The following SIPA1L1 variants were observed in gnomAD, a reference collection of about 807,000 sequenced individuals.
SIPA1L1 encodes signal induced proliferation associated 1 like 1.
Under a neutral mutation model 162.7 loss-of-function variants are expected in SIPA1L1, and 26 were observed. The ratio of observed to expected loss-of-function variants is 0.16; its 90% CI spans 0.12 to 0.22. The LOEUF is 0.22. Ranked by LOEUF, SIPA1L1 falls within the 10% of genes least tolerant of loss-of-function variation. The pLI is 1.00. For missense variants in SIPA1L1, 1,874 were observed against 2,241.0 expected (o/e 0.84, Z 3.31); for synonymous variants, 829 against 837.4 (o/e 0.99, Z 0.17).
intron 2 of SIPA1L1, among the ~76,000 whole-genome samples, chr14:71,329,662 C>T (rs2034284595): frequency 6.6e-6 from 1 of 152,034 alleles, no homozygotes; most frequent in African/African-American, 2.4e-5. Context: ...GGTAGTATCT[C>T]ATTATGATTT....
chr14:71,671,242 T>C lies in SIPA1L1; in HGVS notation c.2379T>C (p.Asn793=). ...FLLAKVINAE[N]AAHKSEKFRA... ...TGGCGAAAGTGATTAATGCAGAAAA[T>C]GCTGCTCATAAATCGGAGAAGTTTC... is the stretch of plus-strand genomic sequence containing the variant. The change falls in exon 11 of 24, where the codon AAT becomes AAC. Residue 793 remains asparagine (N), a synonymous_variant. Coordinates refer to ENST00000381232, the MANE Select transcript of SIPA1L1 (RefSeq NM_001386936.1). The C allele has an allele frequency of 6.2e-7, 1 of 1,614,142 alleles. No homozygotes were observed. The highest frequency in any genetic ancestry group is 1.1e-5 in the South Asian group (1 of 91,080).
Position 71,671,302 on chromosome 14 carries a change from G to A in SIPA1L1, c.2439G>A (p.Leu813=). The A allele has an allele frequency of 6.2e-7, 1 of 1,614,208 alleles. No homozygotes were observed. The highest frequency in any genetic ancestry group is 8.5e-7 in the Non-Finnish European group (1 of 1,180,044). Reference sequence around the variant, plus strand: ...CAACTCGGACCCGCCAGGAATACCTGAAAGATCTGGCAGAAAAGAATGTCA... The same window carrying A: ...CAACTCGGACCCGCCAGGAATACCTAAAAGATCTGGCAGAAAAGAATGTCA... ...AMATRTRQEY[L]KDLAEKNVTN... Residue 813 remains leucine (L), a synonymous_variant, in exon 11 of 24, where the codon CTG becomes CTA. Transcript: ENST00000381232.
At position 71,741,183 on chromosome 14, in the gene SIPA1L1, T is replaced by C. The variant is rs1378234679; in HGVS notation, c.*2022T>C. The C allele has an allele frequency of 1.3e-5, 2 of 152,244 alleles. No homozygotes were observed. The highest frequency in any genetic ancestry group is 6.5e-5 in the Admixed American group (1 of 15,294). 9.4% of individuals were successfully genotyped at this position (152,244 alleles called of 1,614,324 possible). Reference sequence around the variant, plus strand: ...TTGAAAATTTCTGTCCTTCTCAGAATGTTAATAAACTTTTTTACTCTGTCC... The same window carrying C: ...TTGAAAATTTCTGTCCTTCTCAGAACGTTAATAAACTTTTTTACTCTGTCC... On this transcript the variant is annotated 3_prime_UTR_variant, in exon 24 of 24. Transcript: ENST00000381232.
At chr14:71,700,548 A>T (rs573436077) in intron 14 of SIPA1L1, among the ~76,000 whole-genome samples, 1 of 152,316 alleles carries the variant, frequency 6.6e-6, no homozygotes, top group Non-Finnish European at 1.5e-5. Flanking sequence ...TTTTTAAATG[A>T]CCACTTTAAC....
At chr14:71,471,272 C>A (rs1380866889) in intron 2 of SIPA1L1, among the ~76,000 whole-genome samples, 2 of 152,126 alleles carry the variant, frequency 1.3e-5, no homozygotes, top group Non-Finnish European at 2.9e-5. Flanking sequence ...AGTTCTAGAC[C>A]AGCCTGGCCA....
chr14:71,535,198 A>G (rs1454294087), intron 4 of SIPA1L1, among the ~76,000 whole-genome samples: 3 of 152,206 alleles, frequency 2.0e-5, no homozygotes, highest in East Asian at 1.9e-4. Flanking sequence ...GCTGGAGATG[A>G]TGACAGCTAG....
chr14:71,459,468 G>A lies in SIPA1L1; in HGVS notation c.-464-53275G>A, dbSNP rs548185037. Among the ~76,000 whole-genome samples the A allele has an allele frequency of 5.8e-4, 89 of 152,264 alleles. 1 individual carries two copies. The highest frequency in any genetic ancestry group is 1.1e-3 in the Non-Finnish European group (72 of 68,022). On this transcript the variant is annotated intron_variant, in intron 2 of 23. Coordinates refer to ENST00000381232, the MANE Select transcript of SIPA1L1 (RefSeq NM_001386936.1). Reference sequence around the variant, plus strand: ...ATCTATCTATCCATCCAGAGAGAGAGAGAGAGAGAGAGGAGTTTATTAAGT... The same window carrying A: ...ATCTATCTATCCATCCAGAGAGAGAAAGAGAGAGAGAGGAGTTTATTAAGT...
intron 3 of SIPA1L1, among the ~76,000 whole-genome samples, chr14:71,513,694 T>A (rs576131237): frequency 6.6e-6 from 1 of 152,278 alleles, no homozygotes; most frequent in African/African-American, 2.4e-5. Flanking sequence ...GGTCTTGCTA[T>A]GTTGCCTAGG....
chr14:71,632,077 C>T (rs2040629413), intron 7 of SIPA1L1, among the ~76,000 whole-genome samples: 1 of 152,172 alleles, frequency 6.6e-6, no homozygotes, highest in Admixed American at 6.5e-5. Flanking sequence ...ATTTTTAAAA[C>T]TAAGTTTGGA....
intron 2 of SIPA1L1, among the ~76,000 whole-genome samples, chr14:71,479,118 G>C (rs553779725): frequency 1.3e-5 from 2 of 152,004 alleles, no homozygotes; most frequent in Admixed American, 1.3e-4. Flanking sequence ...GATTTCTTAC[G>C]AAAAAAGTGG....
At chr14:71,516,896 C>T (rs1489781181) in intron 3 of SIPA1L1, among the ~76,000 whole-genome samples, 1 of 152,150 alleles carries the variant, frequency 6.6e-6, no homozygotes, top group Non-Finnish European at 1.5e-5. Context: ...TTGCTTGAAC[C>T]TGGGAGGTGG....
chr14:71,739,405 A>C lies in SIPA1L1; in HGVS notation c.*244A>C. ...GTAAAATAAAAGTTTAACTGCTAAA[A>C]TGTGAATGTCTTTATTTTTTTGCAC... On this transcript the variant is annotated 3_prime_UTR_variant, in exon 24 of 24. Coordinates refer to ENST00000381232, the MANE Select transcript of SIPA1L1 (RefSeq NM_001386936.1). 6.2e-5 allele frequency: 17 copies of C among 275,584 alleles called. No homozygotes were observed. The highest frequency in any genetic ancestry group is 1.3e-4 in the East Asian group (2 of 15,786). 17.1% of individuals were successfully genotyped at this position (275,584 alleles called of 1,614,324 possible).
At chr14:71,679,923 A>T (rs1354067425) in intron 12 of SIPA1L1, among the ~76,000 whole-genome samples, 15 of 152,214 alleles carry the variant, frequency 9.9e-5, no homozygotes, top group Admixed American at 9.8e-4. Flanking sequence ...GAGCACCCAG[A>T]TTCATAAAGC....
At chr14:71,371,791 A>G (rs2038915236) in intron 2 of SIPA1L1, among the ~76,000 whole-genome samples, 2 of 152,178 alleles carry the variant, frequency 1.3e-5, no homozygotes, top group Admixed American at 1.3e-4. Flanking sequence ...GTTTCTCAAT[A>G]ATGTTCACTA....
At chr14:71,479,332 T>TGTAG (rs1423105818) in intron 2 of SIPA1L1, among the ~76,000 whole-genome samples, 32 of 135,732 alleles carry the variant, frequency 2.4e-4, no homozygotes, top group African/African-American at 8.3e-4. Context: ...TGTGTGTGTA[T>TGTAG]GTAGGTATGT....
chr14:71,484,219 A>G (rs1293954193), intron 2 of SIPA1L1, among the ~76,000 whole-genome samples: 1 of 150,904 alleles, frequency 6.6e-6, no homozygotes, highest in Non-Finnish European at 1.5e-5. Flanking sequence ...GTTGCTTAGA[A>G]GTCACTCTGC....
At chr14:71,598,785 A>T (rs2036355719) in intron 5 of SIPA1L1, among the ~76,000 whole-genome samples, 1 of 152,208 alleles carries the variant, frequency 6.6e-6, no homozygotes, top group Non-Finnish European at 1.5e-5. Context: ...CACCTTGAGT[A>T]TCATTTCTAT....
intron 16 of SIPA1L1, among the ~76,000 whole-genome samples, chr14:71,708,084 A>G (rs1348237529): frequency 8.6e-6 from 1 of 116,936 alleles, no homozygotes; most frequent in Admixed American, 1.0e-4. Context: ...CCATTGTTTA[A>G]TTGGGTTATT....
intron 2 of SIPA1L1, among the ~76,000 whole-genome samples, chr14:71,464,895 G>GTT: frequency 6.6e-6 from 1 of 152,288 alleles, no homozygotes; most frequent in East Asian, 1.9e-4. Flanking sequence ...CGGGACTTTA[G>GTT]TTATAGGTCT....
Sources: gnomAD v4.1 joint callset for allele counts (sites outside exome capture counted in the v4.1 genomes callset) on GRCh38, gnomAD v4.1.1 for gene constraint, MANE v1.5 for transcripts, NCBI Gene and HGNC (gene_info 2026-07-23, HGNC 2026-07-21) for gene names.